Variants in PACRG observed in about 807,000 individuals in gnomAD.
PACRG encodes parkin coregulated.
A neutral mutation model predicts 29.7 loss-of-function variants in PACRG; 29 were observed. That is an observed-to-expected ratio of 0.98 (90% CI 0.73 to 1.33). PACRG has a LOEUF of 1.33. PACRG is among the 40% of genes most tolerant of loss of function. The pLI is 0.00. For missense variants in PACRG, 279 were observed against 316.2 expected (o/e 0.88, Z 0.89); for synonymous variants, 116 against 118.7 (o/e 0.98, Z 0.15).
At chr6:163,176,449 T>C (rs139986048) in intron 4 of PACRG, among the ~76,000 whole-genome samples, 2,189 of 152,334 alleles carry the variant, frequency 0.014, 56 homozygotes, top group African/African-American at 0.05. Context: ...AGCCCCGTTA[T>C]GCCCTTGACT....
rs1201402600 is a variant in PACRG, at chr6:163,059,078, T to A, written c.292-3072T>A. On this transcript the variant is annotated intron_variant, in intron 2 of 4. Coordinates refer to ENST00000366888, the MANE Select transcript of PACRG (RefSeq NM_001080379.2). The stretch of plus-strand genomic sequence containing the variant: ...TGGGCAACAAGAGCAAAACTCCATC[T>A]CAAAAAAAAAAAAAAAAGTTAAAAA... Among the ~76,000 whole-genome samples, 8 of 128,260 alleles carry A rather than the reference T, an allele frequency of 6.2e-5. No individual in the cohort carries two copies. The South Asian group carries it at 7.2e-4, about 11-fold the overall frequency. 84.1% of individuals were successfully genotyped at this position (128,260 alleles called of 152,430 possible). A position where few individuals can be genotyped will look rare whatever the true frequency, so the allele number is the denominator to read the frequency against.
intron 4 of PACRG, chr6:163,101,309 T>A (rs1285046754): frequency 1.2e-5 from 12 of 983,058 alleles, no homozygotes; most frequent in Non-Finnish European, 1.4e-5. Context: ...ATTTTCCCAC[T>A]ATTTTAAGCT....
intron 4 of PACRG, among the ~76,000 whole-genome samples, chr6:163,210,750 G>A (rs1781102410): frequency 6.6e-6 from 1 of 152,148 alleles, no homozygotes; most frequent in Admixed American, 6.5e-5. Context: ...GCATAACCTT[G>A]AATATTTGAA....
intron 1 of PACRG, among the ~76,000 whole-genome samples, chr6:162,778,789 C>T (rs1783853102): frequency 6.6e-6 from 1 of 152,270 alleles, no homozygotes; most frequent in African/African-American, 2.4e-5. Flanking sequence ...GCCCTGAACC[C>T]TCCAGCAAGC....
chr6:162,848,137 C>A (rs920822735), intron 2 of PACRG, among the ~76,000 whole-genome samples: 1 of 152,144 alleles, frequency 6.6e-6, no homozygotes, highest in Admixed American at 6.5e-5. Context: ...GAGGACAGAA[C>A]GCAGGAGGCA....
intron 2 of PACRG, among the ~76,000 whole-genome samples, chr6:162,972,169 C>G (rs1387706403): frequency 6.6e-6 from 1 of 152,166 alleles, no homozygotes; most frequent in African/African-American, 2.4e-5. Flanking sequence ...GACCTGGCTT[C>G]CCTTATCTAT....
intron 4 of PACRG, among the ~76,000 whole-genome samples, chr6:163,184,657 C>T (rs1383645354): frequency 6.6e-6 from 1 of 152,142 alleles, no homozygotes; most frequent in Non-Finnish European, 1.5e-5. Context: ...AAGAATATCC[C>T]TGTGTTTGAG....
At chr6:162,809,677 A>T (rs904054481) in intron 1 of PACRG, among the ~76,000 whole-genome samples, 1 of 152,174 alleles carries the variant, frequency 6.6e-6, no homozygotes, top group African/African-American at 2.4e-5. Flanking sequence ...AGAAGTGCAA[A>T]GACAAAAGGG....
chr6:162,948,072 A>G (rs1799375675), intron 2 of PACRG, among the ~76,000 whole-genome samples: 1 of 152,126 alleles, frequency 6.6e-6, no homozygotes, highest in African/African-American at 2.4e-5. Context: ...ACTGAAAAAG[A>G]GCCTGAATAG....
rs761892131 is a variant in PACRG at position 162,783,287 on chromosome 6, A to G, written c.157-30860A>G. ...TGAGCTAATCTAATTCACAATTCTA[A>G]AATAGCACCATCTCACTACAATAAA... On this transcript the variant is annotated intron_variant, in intron 1 of 4. Transcript: ENST00000366888. 3.0e-4 allele frequency among the ~76,000 whole-genome samples: 46 copies of G among 151,940 alleles called. 1 individual carries two copies. The highest frequency in any genetic ancestry group is 5.2e-4 in the Admixed American group (8 of 15,258).
chr6:162,796,188 G>A (rs748771550), intron 1 of PACRG, among the ~76,000 whole-genome samples: 12 of 152,138 alleles, frequency 7.9e-5, no homozygotes, highest in Admixed American at 2.6e-4. Context: ...GTATTTTCCC[G>A]CATGGTTCTG....
chr6:163,116,285 C>T (rs1046240068), intron 4 of PACRG, among the ~76,000 whole-genome samples: 1 of 152,118 alleles, frequency 6.6e-6, no homozygotes, highest in Admixed American at 6.5e-5. Flanking sequence ...AGATACTACG[C>T]ACTATTAAAT....
intron 2 of PACRG, among the ~76,000 whole-genome samples, chr6:162,961,688 T>C (rs921112302): frequency 6.6e-6 from 1 of 152,116 alleles, no homozygotes; most frequent in African/African-American, 2.4e-5. Context: ...AATCGATGAG[T>C]CAGTCCTAGT....
chr6:163,269,898 GAA>G lies in PACRG; in HGVS notation c.614-44927_614-44926del, dbSNP rs1236486089. Among the ~76,000 whole-genome samples, 6 of 49,314 alleles carry G rather than the reference GAA, an allele frequency of 1.2e-4. 2 individuals are homozygous for G. The highest frequency in any genetic ancestry group is 2.3e-4 in the Non-Finnish European group (6 of 25,802). 32.4% of individuals were successfully genotyped at this position (49,314 alleles called of 152,430 possible). ...GAAAGAAAGAAAGAAAGAAAACAAA[GAA>G]AGAAAGAAAGAAAGAAAGAAAGAAA... is the stretch of plus-strand genomic sequence containing the variant. On this transcript the variant is annotated intron_variant, in intron 4 of 4. Transcript: ENST00000366888.
At chr6:162,961,280 G>T (rs1185320548) in intron 2 of PACRG, among the ~76,000 whole-genome samples, 2 of 152,212 alleles carry the variant, frequency 1.3e-5, no homozygotes, top group African/African-American at 2.4e-5. Flanking sequence ...TAAGGAAGCT[G>T]TCTAGAGGAA....
intron 4 of PACRG, among the ~76,000 whole-genome samples, chr6:163,306,378 A>G (rs1191666043): frequency 6.6e-6 from 1 of 152,220 alleles, no homozygotes; most frequent in East Asian, 1.9e-4. Flanking sequence ...AACTGAATCT[A>G]TTGTTATAAT....
chr6:163,056,847 G>A (rs79840557), intron 2 of PACRG, among the ~76,000 whole-genome samples: 9 of 152,038 alleles, frequency 5.9e-5, no homozygotes, highest in South Asian at 4.2e-4. Flanking sequence ...AGTCTCTCAC[G>A]CCCTCCTCTT....
chr6:163,090,010 T>A (rs183713518), intron 4 of PACRG, among the ~76,000 whole-genome samples: 21 of 152,304 alleles, frequency 1.4e-4, no homozygotes, highest in Admixed American at 6.5e-4. Flanking sequence ...TTCATTGAAA[T>A]GATGAGTCTA....
intron 1 of PACRG, among the ~76,000 whole-genome samples, chr6:162,812,698 A>T (rs1786984488): frequency 1.3e-5 from 2 of 152,136 alleles, no homozygotes; most frequent in Non-Finnish European, 2.9e-5. Context: ...CATGATAGTA[A>T]TATAGCTAAA....
Sources: allele counts gnomAD v4.1 joint callset (sites outside exome capture counted in the v4.1 genomes callset), GRCh38; gene constraint gnomAD v4.1.1; transcripts MANE v1.5; gene names NCBI Gene and HGNC (gene_info 2026-07-23, HGNC 2026-07-21).